CTNNA3: variants seen among roughly 807,000 people sequenced by gnomAD.
CTNNA3 encodes the protein catenin alpha-3.
Under a neutral mutation model 95.7 loss-of-function variants are expected in CTNNA3, and 76 were observed. The ratio of observed to expected loss-of-function variants is 0.79; its 90% CI spans 0.66 to 0.96. The LOEUF is 0.96. Among genes scored for constraint, CTNNA3 ranks in the 40% least tolerant of loss-of-function variants. The pLI is 0.00. For missense variants in CTNNA3, 1,191 were observed against 1,089.8 expected (o/e 1.09, Z -1.31); for synonymous variants, 431 against 374.4 (o/e 1.15, Z -1.74).
At chr10:66,269,747 T>A (rs1188430905) in intron 13 of CTNNA3, among the ~76,000 whole-genome samples, 1 of 152,180 alleles carries the variant, frequency 6.6e-6, no homozygotes, top group East Asian at 1.9e-4. Context: ...AGGATCTTTT[T>A]TTCCCATAAC....
chr10:66,734,317 T>C (rs1297651349), intron 9 of CTNNA3, among the ~76,000 whole-genome samples: 1 of 152,080 alleles, frequency 6.6e-6, no homozygotes, highest in Non-Finnish European at 1.5e-5. Context: ...TTATCTTCCT[T>C]ATTTCCACTC....
chr10:66,899,511 T>C (rs1845636200), intron 7 of CTNNA3, among the ~76,000 whole-genome samples: 1 of 152,114 alleles, frequency 6.6e-6, no homozygotes, highest in Non-Finnish European at 1.5e-5. Context: ...GGACAGTGGG[T>C]GCAGCCCACG....
intron 10 of CTNNA3, among the ~76,000 whole-genome samples, chr10:66,605,124 T>C (rs1844072665): frequency 6.6e-6 from 1 of 152,110 alleles, no homozygotes; most frequent in Non-Finnish European, 1.5e-5. Flanking sequence ...AGCAACATGA[T>C]AGAGCTAAAA....
intron 7 of CTNNA3, chr10:66,926,610 T>C (rs1161365839): frequency 1.2e-6 from 2 of 1,613,624 alleles, no homozygotes; most frequent in Non-Finnish European, 1.7e-6. Flanking sequence ...ATTTTTCTTC[T>C]TTCCTTCTTA....
rs1249740148 is a variant in CTNNA3, at chr10:67,538,559, G to A, written c.459+944C>T. On this transcript the variant is annotated intron_variant, in intron 4 of 17. Transcript: ENST00000433211. ...ATCACCACTGCACTCCAACCCAGGC[G>A]ACAGTGCGAGACTCCATCTCAAAAA... is the stretch of plus-strand genomic sequence containing the variant. Among the ~76,000 whole-genome samples, 3 of 147,710 alleles carry A rather than the reference G, an allele frequency of 2.0e-5. 1 individual carries two copies. Among genetic ancestry groups the A allele is most frequent in the African/African-American group, 5.0e-5 (2 of 40,076 alleles).
intron 7 of CTNNA3, among the ~76,000 whole-genome samples, chr10:66,849,358 T>C (rs1391162868): frequency 2.6e-5 from 4 of 152,178 alleles, no homozygotes; most frequent in Non-Finnish European, 5.9e-5. Flanking sequence ...AATGTGCTTT[T>C]AAATTTTTTC....
intron 5 of CTNNA3, among the ~76,000 whole-genome samples, chr10:67,489,458 G>T (rs953194132): frequency 1.3e-5 from 2 of 152,132 alleles, no homozygotes; most frequent in Non-Finnish European, 2.9e-5. Flanking sequence ...ATTTGAGCAT[G>T]TATTCACTAG....
intron 15 of CTNNA3, among the ~76,000 whole-genome samples, chr10:66,012,760 A>C (rs1453003800): frequency 6.6e-6 from 1 of 152,176 alleles, no homozygotes; most frequent in Non-Finnish European, 1.5e-5. Flanking sequence ...GCATATTTCC[A>C]CATTAGGGGC....
At position 66,927,988 on chromosome 10, in the gene CTNNA3, T is replaced by C. The variant is rs1847167396; in HGVS notation, c.1048-152464A>G. On this transcript the variant is annotated intron_variant, in intron 7 of 17. Coordinates refer to ENST00000433211, the MANE Select transcript of CTNNA3 (RefSeq NM_013266.4). The surrounding 1 kb of genome is among the most constrained non-coding windows in gnomAD (Gnocchi z 4.7). The stretch of plus-strand genomic sequence containing the variant: ...AAATGTGATCGATGCAGTGAAGAAC[T>C]ACAGCATCTGTGGCAAAAGTACTAC... 1 of 1,614,214 alleles carries C rather than the reference T, an allele frequency of 6.2e-7. No individual in the cohort carries two copies. Among genetic ancestry groups the C allele is most frequent in the East Asian group, 2.2e-5 (1 of 44,878 alleles).
intron 1 of CTNNA3, among the ~76,000 whole-genome samples, chr10:67,717,380 G>A (rs891772701): frequency 2.0e-5 from 3 of 152,110 alleles, no homozygotes; most frequent in African/African-American, 4.8e-5. Context: ...TTTTAGTCAC[G>A]AAGACTTTGC....
intron 7 of CTNNA3, among the ~76,000 whole-genome samples, chr10:66,789,740 A>G (rs2132874297): frequency 6.6e-6 from 1 of 152,304 alleles, no homozygotes; most frequent in African/African-American, 2.4e-5. Flanking sequence ...GTAGTTAAAT[A>G]GTAATGTGAC....
chr10:67,478,566 C>A (rs1236609875), intron 5 of CTNNA3, among the ~76,000 whole-genome samples: 1 of 152,072 alleles, frequency 6.6e-6, no homozygotes, highest in Non-Finnish European at 1.5e-5. Context: ...AAATCTTGTC[C>A]AGACAAGCAA....
chr10:66,097,398 C>T (rs2081439527), intron 14 of CTNNA3, among the ~76,000 whole-genome samples: 2 of 152,102 alleles, frequency 1.3e-5, no homozygotes, highest in African/African-American at 4.8e-5. Flanking sequence ...TGTTCACTTC[C>T]TATGTGCCAG....
intron 17 of CTNNA3, among the ~76,000 whole-genome samples, chr10:65,947,491 A>G (rs950160562): frequency 1.3e-5 from 2 of 152,224 alleles, no homozygotes; most frequent in Non-Finnish European, 2.9e-5. Flanking sequence ...CACTAGGCTA[A>G]GCAACTTACG....
chr10:66,215,248 G>A (rs981585883), intron 13 of CTNNA3, among the ~76,000 whole-genome samples: 1 of 152,162 alleles, frequency 6.6e-6, no homozygotes, highest in Non-Finnish European at 1.5e-5. Flanking sequence ...AATCTGAAGG[G>A]AACATCAGCA....
intron 5 of CTNNA3, among the ~76,000 whole-genome samples, chr10:67,424,527 C>T (rs1358134795): frequency 2.0e-5 from 3 of 151,942 alleles, no homozygotes; most frequent in Non-Finnish European, 4.4e-5. Context: ...TTTATTAATA[C>T]CTTTAAAGAT....
intron 1 of CTNNA3, among the ~76,000 whole-genome samples, chr10:67,661,015 T>C (rs995519265): frequency 4.6e-5 from 7 of 152,104 alleles, no homozygotes; most frequent in Non-Finnish European, 1.0e-4. Context: ...CCAAAATTTT[T>C]ATAACAAACT....
In CTNNA3 at chr10:66,800,787, T is replaced by C. The variant is rs150903204; in HGVS notation, c.1048-25263A>G. Among the ~76,000 whole-genome samples, 62 of 151,422 alleles carry C rather than the reference T, an allele frequency of 4.1e-4. No individual in the cohort carries two copies. In the East Asian group the frequency reaches 9.7e-3, roughly 24 times the overall value. On this transcript the variant is annotated intron_variant, in intron 7 of 17. Coordinates refer to ENST00000433211, the MANE Select transcript of CTNNA3 (RefSeq NM_013266.4). ...TAATCCTACGTAGATTTATACATTGTCTTACAAGTATTTTTATTTGCTGAA... is the reference window on the plus strand; with the variant it reads ...TAATCCTACGTAGATTTATACATTGCCTTACAAGTATTTTTATTTGCTGAA...
At chr10:66,084,014 A>G (rs549829080) in intron 14 of CTNNA3, among the ~76,000 whole-genome samples, 1 of 152,030 alleles carries the variant, frequency 6.6e-6, no homozygotes, top group Admixed American at 6.6e-5. Flanking sequence ...GCATGCCTGT[A>G]ATCCTAGCTA....
Sources: allele counts gnomAD v4.1 joint callset (sites outside exome capture counted in the v4.1 genomes callset), GRCh38; gene constraint gnomAD v4.1.1; non-coding constraint Gnocchi (gnomAD v3.1); transcripts MANE v1.5; gene names NCBI Gene and HGNC (gene_info 2026-07-23, HGNC 2026-07-21).